Variants in CNGB3 observed in about 807,000 individuals in gnomAD.
CNGB3 encodes the protein cyclic nucleotide-gated channel beta-3.
A neutral mutation model predicts 92.8 loss-of-function variants in CNGB3; 86 were observed. The observed-to-expected ratio is 0.93, with a 90% CI of 0.78 to 1.11. The LOEUF (loss-of-function observed/expected upper bound fraction) is 1.11. CNGB3 is among the 50% of genes least tolerant of loss of function. The pLI is 0.00. For missense variants in CNGB3, 1,026 were observed against 956.8 expected (o/e 1.07, Z -0.95); for synonymous variants, 333 against 332.7 (o/e 1.00, Z -0.01).
intron 15 of CNGB3, among the ~76,000 whole-genome samples, chr8:86,599,624 G>A (rs1021249926): frequency 2.6e-5 from 4 of 152,034 alleles, no homozygotes; most frequent in African/African-American, 7.3e-5. Flanking sequence ...CCACCTTGGG[G>A]GCGGCTGTCT....
intron 13 of CNGB3, among the ~76,000 whole-genome samples, chr8:86,619,193 C>A (rs898834629): frequency 2.0e-5 from 3 of 152,172 alleles, no homozygotes; most frequent in African/African-American, 7.2e-5. Flanking sequence ...CTAGGTGGCG[C>A]AACAGAACTT....
chr8:86,650,050 C>A (rs1219107768), intron 7 of CNGB3, among the ~76,000 whole-genome samples: 1 of 150,952 alleles, frequency 6.6e-6, no homozygotes, highest in Non-Finnish European at 1.5e-5. Context: ...AAAAATGCCC[C>A]CCCGCCCAAA....
At chr8:86,650,939 A>C (rs987941448) in intron 7 of CNGB3, among the ~76,000 whole-genome samples, 8 of 151,880 alleles carry the variant, frequency 5.3e-5, no homozygotes, top group African/African-American at 1.9e-4. Context: ...ATGAGTGGAT[A>C]AAGAAAATTT....
At chr8:86,691,531 C>G (rs1316971117) in intron 3 of CNGB3, among the ~76,000 whole-genome samples, 1 of 151,984 alleles carries the variant, frequency 6.6e-6, no homozygotes, top group Non-Finnish European at 1.5e-5. Context: ...CTTTTATTAC[C>G]TTAAGTTATG....
intron 6 of CNGB3, chr8:86,658,350 T>C: frequency 4.3e-6 from 2 of 464,522 alleles, no homozygotes; most frequent in South Asian, 4.0e-5. Flanking sequence ...CTCCTCACTG[T>C]CCAGTCCATC....
rs1042003977 is a variant in CNGB3, at chr8:86,654,029, T to C, written c.886A>G (p.Thr296Ala). Residue 296 changes from threonine to alanine, a missense_variant, in exon 7 of 18, where the codon ACT becomes GCT. Thr to Ala is a moderately conservative substitution (Grantham distance 58). Coordinates refer to ENST00000320005, the MANE Select transcript of CNGB3 (RefSeq NM_019098.5). ...TCACCTACCTGAAATTTTGTAGAAG[T>C]CCTGTAGTGTTTCCTTAGCTCATTT... ...DSNELRKHYRTSTKFQLDVAS... is the reference protein window; with the variant it reads ...DSNELRKHYRASTKFQLDVAS... The C allele has an allele frequency of 6.2e-7, 1 of 1,602,060 alleles. No homozygotes were observed. The highest frequency in any genetic ancestry group is 8.6e-7 in the Non-Finnish European group (1 of 1,169,200).
intron 6 of CNGB3, chr8:86,660,387 G>A: frequency 1.1e-5 from 5 of 440,782 alleles, no homozygotes; most frequent in Non-Finnish European, 2.3e-5. Flanking sequence ...ATGTGCAACT[G>A]ATCCAGAGGA....
chr8:86,735,997 C>T (rs868394008), intron 2 of CNGB3, among the ~76,000 whole-genome samples: 44 of 151,992 alleles, frequency 2.9e-4, no homozygotes, highest in Middle Eastern at 6.9e-3. Context: ...AAGCATTTAA[C>T]ATAATATAAA....
At chr8:86,645,271 G>C (rs1191116995) in intron 8 of CNGB3, among the ~76,000 whole-genome samples, 1 of 151,150 alleles carries the variant, frequency 6.6e-6, no homozygotes, top group Non-Finnish European at 1.5e-5. Context: ...TTTCTTGCTT[G>C]CTTCTACTTT....
At position 86,678,070 on chromosome 8, in the gene CNGB3, T is replaced by C. The variant is rs1824009640; in HGVS notation, c.339-6972A>G. Reference sequence around the variant, plus strand: ...ATCTTGTTGAATAACAGGCAGGAATTAGGCGAAGAGTATTGTATTCTAATT... The same window carrying C: ...ATCTTGTTGAATAACAGGCAGGAATCAGGCGAAGAGTATTGTATTCTAATT... On this transcript the variant is annotated intron_variant, in intron 3 of 17. Coordinates refer to ENST00000320005, the MANE Select transcript of CNGB3 (RefSeq NM_019098.5). 3.3e-5 allele frequency among the ~76,000 whole-genome samples: 5 copies of C among 152,294 alleles called. No individual in the cohort carries two copies. The South Asian group carries it at 1.0e-3, about 32-fold the overall frequency.
At chr8:86,727,484 A>T (rs1226128648) in intron 2 of CNGB3, among the ~76,000 whole-genome samples, 1 of 152,178 alleles carries the variant, frequency 6.6e-6, no homozygotes, top group Non-Finnish European at 1.5e-5. Flanking sequence ...TGACGAAATG[A>T]TACAAACTAA....
chr8:86,693,422 TA>T (rs573446410), intron 3 of CNGB3, among the ~76,000 whole-genome samples: 1,904 of 100,066 alleles, frequency 0.019, 27 homozygotes, highest in African/African-American at 0.039. Flanking sequence ...CATTTTTTTT[TA>T]TTATTATTAT....
At position 86,662,871 on chromosome 8, in the gene CNGB3, G is replaced by T. The variant is rs557053851; in HGVS notation, c.852+4054C>A. Among the ~76,000 whole-genome samples, 7 of 152,250 alleles carry T rather than the reference G, an allele frequency of 4.6e-5. No individual in the cohort carries two copies. In the Middle Eastern group the frequency reaches 0.01, roughly 222 times the overall value. ...TTTTCATGGCCATGGGAGAGCCAAG[G>T]ACCCTGTCTTTAGCTGAACTAAGGA... On this transcript the variant is annotated intron_variant, in intron 6 of 17. Transcript: ENST00000320005.
intron 15 of CNGB3, among the ~76,000 whole-genome samples, chr8:86,589,637 A>G (rs184398327): frequency 0.018 from 2,696 of 152,128 alleles, 74 homozygotes; most frequent in African/African-American, 0.062. Context: ...GTTTCCATGT[A>G]GTTGAGCGGT....
chr8:86,622,801 A>G (rs1340750833), intron 13 of CNGB3, among the ~76,000 whole-genome samples: 1 of 152,176 alleles, frequency 6.6e-6, no homozygotes, highest in Non-Finnish European at 1.5e-5. Context: ...TGTTGTTTCA[A>G]AGTATTCAGT....
chr8:86,653,654 C>G (rs973478777), intron 7 of CNGB3, among the ~76,000 whole-genome samples: 1 of 151,988 alleles, frequency 6.6e-6, no homozygotes, highest in Non-Finnish European at 1.5e-5. Flanking sequence ...AAGAAAGAAG[C>G]GGGAGTAAAA....
chr8:86,607,375 T>C (rs1331145167), intron 14 of CNGB3, among the ~76,000 whole-genome samples: 1 of 152,126 alleles, frequency 6.6e-6, no homozygotes, highest in Non-Finnish European at 1.5e-5. Flanking sequence ...GGAGAAAGTA[T>C]GAAAAAACAA....
At chr8:86,718,863 T>G (rs935631797) in intron 3 of CNGB3, among the ~76,000 whole-genome samples, 1 of 152,046 alleles carries the variant, frequency 6.6e-6, no homozygotes, top group African/African-American at 2.4e-5. Flanking sequence ...GGGATGGCTT[T>G]TCATTCATAA....
chr8:86,743,631 C>T lies in CNGB3; in HGVS notation c.-4G>A, dbSNP rs901983793. On this transcript the variant is annotated 5_prime_UTR_variant, in exon 1 of 18. Coordinates refer to ENST00000320005, the MANE Select transcript of CNGB3 (RefSeq NM_019098.5). ...CTTTTGTCAGCGATTTAAACATCTT[C>T]TCTGAGGTGGTTCTGAAAACCCTCT... 1.2e-5 allele frequency: 20 copies of T among 1,613,764 alleles called. No homozygotes were observed. The highest frequency in any genetic ancestry group is 1.0e-4 in the Admixed American group (6 of 60,000).
Sources: allele counts gnomAD v4.1 joint callset (sites outside exome capture counted in the v4.1 genomes callset), GRCh38; gene constraint gnomAD v4.1.1; transcripts MANE v1.5; gene names NCBI Gene and HGNC (gene_info 2026-07-23, HGNC 2026-07-21).